PRKAG1: variants seen among roughly 807,000 people sequenced by gnomAD.
PRKAG1 encodes protein kinase AMP-activated non-catalytic subunit gamma 1.
In PRKAG1, 27 loss-of-function variants were observed where a neutral mutation model predicts 48.2. The observed-to-expected ratio is 0.56, with a 90% CI of 0.41 to 0.77. The LOEUF (loss-of-function observed/expected upper bound fraction) is 0.77, where lower values mean the gene tolerates loss of function less well. Among genes scored for constraint, PRKAG1 ranks in the 30% least tolerant of loss-of-function variants. The pLI is 0.00. For synonymous variants in PRKAG1, 130 were observed against 147.7 expected, an observed-to-expected ratio of 0.88 and a Z score of 0.87; for missense variants, 287 against 398.3, an observed-to-expected ratio of 0.72 and a Z score of 2.38.
At chr12:49,004,824 T>TGG in intron 7 of PRKAG1, 140 bp downstream of exon 7, 1 of 829,958 alleles carries the variant, frequency 1.2e-6, no homozygotes, top group Non-Finnish European at 2.0e-6. Flanking sequence ...TGTGTGTGTG[T>TGG]GTGTGTGTGT....
intron 8 of PRKAG1, 39 bp downstream of exon 8, chr12:49,004,468 G>GA (rs754091484): frequency 6.2e-7 from 1 of 1,601,262 alleles, no homozygotes. Flanking sequence ...ATCAATCAAT[G>GA]AAAAAAGAGA....
intron 2 of PRKAG1, chr12:49,008,527 G>C (rs1191267264): frequency 1.3e-5 from 2 of 152,082 alleles, no homozygotes; most frequent in African/African-American, 4.8e-5. Context: ...TCCTCTACTG[G>C]TGCTCCTATA....
chr12:49,018,677 TG>T (rs539157024), intron 1 of PRKAG1, 54 bp downstream of exon 1: 202 of 1,613,076 alleles, frequency 1.3e-4, no homozygotes, highest in Non-Finnish European at 1.6e-4. Flanking sequence ...TCCTAAGGGT[TG>T]GGGGGGTGTC....
intron 1 of PRKAG1, chr12:49,017,168 T>TTA (rs1172704370): frequency 2.2e-6 from 1 of 456,008 alleles, no homozygotes; most frequent in Non-Finnish European, 4.4e-6. Flanking sequence ...ATCACTCCAG[T>TTA]TAGGCTGAAC....
Position 49,005,157 on chromosome 12 carries a change from G to A in PRKAG1, c.318C>T (p.Ile106=), listed in dbSNP as rs751172135. 9.3e-6 allele frequency: 15 copies of A among 1,613,948 alleles called. 1 individual carries two copies. The South Asian group carries it at 1.5e-4, about 17-fold the overall frequency. The change falls in exon 6 of 12, where the codon ATC becomes ATT. Residue 106 remains isoleucine, a synonymous_variant. Transcript: ENST00000548065. The surrounding 1 kb of genome is among the most constrained non-coding windows in gnomAD (Gnocchi z 4.1). Reference sequence around the variant, plus strand: ...CTATCTTGTGTTCTTCTAGCTCATAGATCTGTACCTGAAAGCAGAAGCAAC... The same window carrying A: ...CTATCTTGTGTTCTTCTAGCTCATAAATCTGTACCTGAAAGCAGAAGCAAC... ...HRYYKSALVQ[I]YELEEHKIET...
Position 49,005,158 on chromosome 12 carries a change from A to T in PRKAG1, c.317T>A (p.Ile106Asn). The T allele has an allele frequency of 1.2e-6, 2 of 1,614,110 alleles. No homozygotes were observed. Among genetic ancestry groups the T allele is most frequent in the Non-Finnish European group, 1.7e-6 (2 of 1,180,014 alleles). ...HRYYKSALVQ[I>N]YELEEHKIET... ...TATCTTGTGTTCTTCTAGCTCATAGATCTGTACCTGAAAGCAGAAGCAACA... is the reference window on the plus strand; with the variant it reads ...TATCTTGTGTTCTTCTAGCTCATAGTTCTGTACCTGAAAGCAGAAGCAACA... Residue 106 changes from isoleucine (I) to asparagine (N), a missense_variant, in exon 6 of 12, where the codon ATC becomes AAC. Physicochemically the swap from Ile to Asn is moderately radical, Grantham distance 149. Coordinates refer to ENST00000548065, the MANE Select transcript of PRKAG1 (RefSeq NM_002733.5). The surrounding 1 kb of genome is among the most constrained non-coding windows in gnomAD (Gnocchi z 4.1).
At chr12:49,003,508 G>GCCCCCCCCCCCCCCCCCT in intron 10 of PRKAG1, 50 bp downstream of exon 10, 1 of 1,371,374 alleles carries the variant, frequency 7.3e-7, no homozygotes, top group Non-Finnish European at 1.0e-6. Context: ...ATTTAACAGT[G>GCCCCCCCCCCCCCCCCCT]CCCCCCCCCC....
In PRKAG1 at chr12:49,003,911, G is replaced by A. The variant is rs372349329; in HGVS notation, c.549C>T (p.Phe183=). Residue 183 remains phenylalanine (F), a synonymous_variant, in exon 9 of 12, where the codon TTC becomes TTT. Transcript: ENST00000548065. ...LKFLKLFITE[F]PKPEFMSKSL... is the part of the protein sequence containing the mutation. ...ACTTGGACATGAACTCTGGCTTGGG[G>A]AACTCAGTGATCTGAGGAAAGAACC... is the stretch of plus-strand genomic sequence containing the variant. 6.2e-6 allele frequency: 10 copies of A among 1,600,988 alleles called. No homozygotes were observed. In the African/African-American group the frequency reaches 1.1e-4, roughly 17 times the overall value.
At chr12:49,013,974 T>C (rs974995631) in intron 1 of PRKAG1, among the ~76,000 whole-genome samples, 2 of 152,142 alleles carry the variant, frequency 1.3e-5, no homozygotes, top group Admixed American at 6.5e-5. Context: ...AACTGCCTCC[T>C]CCTGGGTTCA....
At chr12:49,015,190 A>G (rs1030899882) in intron 1 of PRKAG1, among the ~76,000 whole-genome samples, 1 of 152,202 alleles carries the variant, frequency 6.6e-6, no homozygotes, top group Non-Finnish European at 1.5e-5. Context: ...AGTGGGAGAG[A>G]GGGCTGTGAT....
In PRKAG1 at chr12:49,018,755, G is replaced by T. The variant is rs773714458; in HGVS notation, c.-15C>A. The T allele has an allele frequency of 1.2e-6, 2 of 1,612,562 alleles. No individual in the cohort carries two copies. The highest frequency in any genetic ancestry group is 2.0e-4 in the Middle Eastern group (1 of 4,904). ...ACCGTCTCCATTGCAAGAGGCGCCC[G>T]GCTTGGTTTCCTCGCTTTAGGAAAC... is the stretch of plus-strand genomic sequence containing the variant. On this transcript the variant is annotated 5_prime_UTR_variant, in exon 1 of 12. Coordinates refer to ENST00000548065, the MANE Select transcript of PRKAG1 (RefSeq NM_002733.5).
Position 49,004,258 on chromosome 12 carries a change from C to T in PRKAG1, c.537+249G>A, listed in dbSNP as rs1009571296. 16 of 547,386 alleles carry T rather than the reference C, an allele frequency of 2.9e-5. No individual in the cohort carries two copies. In the Admixed American group the frequency reaches 3.0e-4, roughly 10 times the overall value. 33.9% of individuals were successfully genotyped at this position (547,386 alleles called of 1,614,324 possible). On this transcript the variant is annotated intron_variant, in intron 8 of 11. Coordinates refer to ENST00000548065, the MANE Select transcript of PRKAG1 (RefSeq NM_002733.5). ...AGTGAGCCATGATAGCGCCTCTGCA[C>T]GCCAGCCTGGGCAACAGAGTAAGAA...
rs1565732951 is a variant in PRKAG1 at position 49,004,816 on chromosome 12, TGTGTGTGTG to T, written c.410+139_410+147del. ...GAGAATGAGAGAGAGAGAGAGACTG[TGTGTGTGTG>T]TGTGTGTGTGTGTGTGTGTGTGTGT... On this transcript the variant is annotated intron_variant, in intron 7 of 11. Coordinates refer to ENST00000548065, the MANE Select transcript of PRKAG1 (RefSeq NM_002733.5). 149 of 217,068 alleles carry T rather than the reference TGTGTGTGTG, an allele frequency of 6.9e-4. No individual in the cohort carries two copies. In the African/African-American group the frequency reaches 0.012, roughly 18 times the overall value. The allele number at this position is 217,068 out of a possible 1,614,324, so 13.4% of individuals were successfully genotyped here. A position where few individuals can be genotyped will look rare whatever the true frequency, so the allele number is the denominator to read the frequency against.
intron 1 of PRKAG1, among the ~76,000 whole-genome samples, chr12:49,013,330 C>T (rs1037236577): frequency 4.6e-5 from 7 of 152,094 alleles, no homozygotes; most frequent in Non-Finnish European, 1.0e-4. Context: ...CAGCCTTGAC[C>T]TCCTCGGGGT....
chr12:49,005,216 G>T lies in PRKAG1; in HGVS notation c.310-51C>A. ...AGACCTGATCTCTCTGCTTCCTTAA[G>T]CCCTCGTGGCTTGCTTGGAGAAAAA... On this transcript the variant is annotated intron_variant, in intron 5 of 11. Coordinates refer to ENST00000548065, the MANE Select transcript of PRKAG1 (RefSeq NM_002733.5). The surrounding 1 kb of genome is among the most constrained non-coding windows in gnomAD (Gnocchi z 4.1). 6.2e-7 allele frequency: 1 copy of T among 1,613,186 alleles called. No homozygotes were observed. Among genetic ancestry groups the T allele is most frequent in the Non-Finnish European group, 8.5e-7 (1 of 1,179,166 alleles).
At chr12:49,007,780 C>T (rs1823743619) in intron 2 of PRKAG1, among the ~76,000 whole-genome samples, 2 of 152,006 alleles carry the variant, frequency 1.3e-5, no homozygotes, top group African/African-American at 2.4e-5. Flanking sequence ...TACTAGGACT[C>T]CACCACAAAC....
At chr12:49,014,672 T>C (rs1192452311) in intron 1 of PRKAG1, among the ~76,000 whole-genome samples, 1 of 152,254 alleles carries the variant, frequency 6.6e-6, no homozygotes, top group Non-Finnish European at 1.5e-5. Flanking sequence ...AACTGGGAAC[T>C]TGAGTCCACT....
Position 49,004,955 on chromosome 12 carries a change from G to A in PRKAG1, c.410+9C>T. On this transcript the variant is annotated intron_variant, in intron 7 of 11. Coordinates refer to ENST00000548065, the MANE Select transcript of PRKAG1 (RefSeq NM_002733.5). The stretch of plus-strand genomic sequence containing the variant: ...CCGCTTTTTGGACAGATGGGTAACT[G>A]GAACTCACCTGGCATTAGGAGAAAT... The A allele has an allele frequency of 6.2e-7, 1 of 1,613,344 alleles. No homozygotes were observed. Among genetic ancestry groups the A allele is most frequent in the East Asian group, 2.2e-5 (1 of 44,858 alleles).
intron 8 of PRKAG1, 120 bp from the exon 9 acceptor site, chr12:49,004,042 C>T (rs1941414843): frequency 2.2e-6 from 3 of 1,369,854 alleles, no homozygotes; most frequent in East Asian, 4.8e-5. Context: ...ATAATCCCAG[C>T]ACTTTGGGAG....
Sources: allele counts gnomAD v4.1 joint callset (sites outside exome capture counted in the v4.1 genomes callset), GRCh38; gene constraint gnomAD v4.1.1; non-coding constraint Gnocchi (gnomAD v3.1); transcripts MANE v1.5; gene names NCBI Gene and HGNC (gene_info 2026-07-23, HGNC 2026-07-21).